Variants in NTF3 observed in about 807,000 individuals in gnomAD.
The protein encoded by NTF3 is neurotrophin 3, also known as neurotrophin-3.
NTF3 carries 8 observed loss-of-function variants against 26.3 expected under a neutral mutation model. The ratio of observed to expected loss-of-function variants is 0.30; its 90% CI spans 0.18 to 0.55. The LOEUF is 0.55. NTF3 is among the 20% of genes least tolerant of loss of function. NTF3 has a pLI of 0.93. For missense variants in NTF3, 276 were observed against 352.9 expected (o/e 0.78, Z 1.75); for synonymous variants, 154 against 145.5 (o/e 1.06, Z -0.42).
At chr12:5,472,506 G>A (rs116349735) in intron 1 of NTF3, among the ~76,000 whole-genome samples, 1,826 of 152,154 alleles carry the variant, frequency 0.012, 33 homozygotes, top group African/African-American at 0.041. Context: ...ATGACATTCG[G>A]GACCTCCACT....
intron 1 of NTF3, among the ~76,000 whole-genome samples, chr12:5,479,203 C>T (rs994842292): frequency 1.3e-5 from 2 of 152,106 alleles, no homozygotes; most frequent in African/African-American, 2.4e-5. Flanking sequence ...GAGGAGATAG[C>T]GGTTGAGGCT....
intron 1 of NTF3, among the ~76,000 whole-genome samples, chr12:5,482,280 C>CACCCCTCTTGGGACAAGGT: frequency 6.6e-6 from 1 of 152,336 alleles, no homozygotes; most frequent in South Asian, 2.1e-4. Flanking sequence ...CAGGCACTGC[C>CACCCCTCTTGGGACAAGGT]ACCCCTCTTG....
At chr12:5,474,114 T>G (rs2121216045) in intron 1 of NTF3, among the ~76,000 whole-genome samples, 1 of 152,352 alleles carries the variant, frequency 6.6e-6, no homozygotes, top group South Asian at 2.1e-4. Flanking sequence ...ACAATAATGA[T>G]GGCAGGACAA....
chr12:5,440,538 T>C (rs1940223765), intron 1 of NTF3, among the ~76,000 whole-genome samples: 1 of 152,190 alleles, frequency 6.6e-6, no homozygotes, highest in South Asian at 2.1e-4. Flanking sequence ...GTACTTCCAC[T>C]GGGTTCAAGA....
chr12:5,455,563 CACACACACACACACACACACAT>C lies in NTF3; in HGVS notation c.18+23223_18+23244del, dbSNP rs1252936785. Among the ~76,000 whole-genome samples the C allele has an allele frequency of 6.9e-5, 10 of 145,194 alleles. No homozygotes were observed. The South Asian group carries it at 1.4e-3, about 20-fold the overall frequency. On this transcript the variant is annotated intron_variant, in intron 1 of 1. Coordinates refer to ENST00000423158, the MANE Select transcript of NTF3 (RefSeq NM_001102654.2). The stretch of plus-strand genomic sequence containing the variant: ...ACACACACACACACACACACACACA[CACACACACACACACACACACAT>C]AGCCCCTGTGATTGAGGGGGCCCCA...
chr12:5,435,543 T>C (rs1221095032), intron 1 of NTF3, among the ~76,000 whole-genome samples: 5 of 152,128 alleles, frequency 3.3e-5, no homozygotes, highest in African/African-American at 1.2e-4. Context: ...CTTTTGTGTA[T>C]TGGGAAGGGA....
chr12:5,469,366 C>T (rs559308315), intron 1 of NTF3, among the ~76,000 whole-genome samples: 1 of 152,240 alleles, frequency 6.6e-6, no homozygotes, highest in Non-Finnish European at 1.5e-5. Context: ...GGCGGCAGAG[C>T]TTAGACACCT....
chr12:5,494,417 C>T lies in NTF3; in HGVS notation c.242C>T (p.Ala81Val). The change falls in exon 2 of 2, where the codon GCT (alanine) becomes GTT (valine). Residue 81 changes from alanine (A) to valine (V), a missense_variant. Physicochemically the swap from Ala to Val is moderately conservative, Grantham distance 64 (BLOSUM62 0). Around this residue, in one of 3 missense-constraint regions of NTF3, gnomAD observed 221 missense variants for 258.2 expected, o/e 0.86. Transcript: ENST00000423158. The surrounding 1 kb of genome is among the most constrained non-coding windows in gnomAD (Gnocchi z 8.3). ...CAGAGCACCCTGCCCAAAGCTGAGG[C>T]TCCCCGAGAGCCGGAGCGGGGAGGG... ...NYQSTLPKAE[A>V]PREPERGGPA... The T allele has an allele frequency of 6.2e-6, 10 of 1,613,388 alleles. No individual in the cohort carries two copies. The highest frequency in any genetic ancestry group is 7.6e-6 in the Non-Finnish European group (9 of 1,179,996).
intron 1 of NTF3, among the ~76,000 whole-genome samples, chr12:5,450,465 C>G (rs952353191): frequency 6.6e-6 from 1 of 152,232 alleles, no homozygotes. Flanking sequence ...ACTCAAGACC[C>G]TGCTACAGTG....
rs573533918 is a variant in NTF3 at position 5,432,407 on chromosome 12, A to AT, written c.18+69dup. 6.1e-4 allele frequency: 962 copies of AT among 1,571,584 alleles called. 14 individuals carry two copies. The South Asian group carries it at 0.01, about 16-fold the overall frequency. On this transcript the variant is annotated intron_variant, in intron 1 of 1. Coordinates refer to ENST00000423158, the MANE Select transcript of NTF3 (RefSeq NM_001102654.2). ...GGGATGGGGGTCCACGTGGGGAGGGATTTTCCAGTGGACTGGTGCGGGGGG... is the reference window on the plus strand; with the variant it reads ...GGGATGGGGGTCCACGTGGGGAGGGATTTTTCCAGTGGACTGGTGCGGGGGG...
intron 1 of NTF3, among the ~76,000 whole-genome samples, chr12:5,477,509 C>T (rs192441854): frequency 2.7e-3 from 417 of 152,258 alleles, no homozygotes; most frequent in Non-Finnish European, 4.6e-3. Context: ...CCAGATCTCA[C>T]GGAGGGTATG....
chr12:5,452,204 T>C (rs1263988510), intron 1 of NTF3, among the ~76,000 whole-genome samples: 1 of 151,438 alleles, frequency 6.6e-6, no homozygotes, highest in Non-Finnish European at 1.5e-5. Context: ...CAAGTGATTC[T>C]CCTGCCTCAG....
chr12:5,480,243 A>G (rs11063703), intron 1 of NTF3, among the ~76,000 whole-genome samples: 61,527 of 151,934 alleles, frequency 0.4, 12,685 homozygotes, highest in South Asian at 0.51. Flanking sequence ...TGAGGGTCAA[A>G]CAAGGAAGGC....
intron 1 of NTF3, among the ~76,000 whole-genome samples, chr12:5,435,143 G>T (rs1387819642): frequency 2.0e-5 from 3 of 152,214 alleles, no homozygotes; most frequent in African/African-American, 7.2e-5. Flanking sequence ...TAAGACTGAA[G>T]TAAGTAGAGG....
chr12:5,451,751 C>T (rs190495691), intron 1 of NTF3, among the ~76,000 whole-genome samples: 4 of 152,234 alleles, frequency 2.6e-5, no homozygotes, highest in African/African-American at 7.2e-5. Context: ...CGTGTGGTGG[C>T]GTGGCACTCA....
chr12:5,474,077 G>A lies in NTF3; in HGVS notation c.19-20117G>A, dbSNP rs114224663. ...GCATGGAATTTATTTTCCAAAGTGG[G>A]ACACTCGAGAGTGAAAGGGTGAGCT... On this transcript the variant is annotated intron_variant, in intron 1 of 1. Transcript: ENST00000423158. Among the ~76,000 whole-genome samples the A allele has an allele frequency of 7.8e-3, 1,182 of 152,306 alleles. 9 individuals are homozygous for A. The highest frequency in any genetic ancestry group is 0.027 in the African/African-American group (1,116 of 41,570).
intron 1 of NTF3, among the ~76,000 whole-genome samples, chr12:5,476,958 T>C (rs1011771471): frequency 1.3e-5 from 2 of 152,204 alleles, no homozygotes; most frequent in Admixed American, 6.5e-5. Context: ...TGGGAGCTGA[T>C]AGATGATATA....
chr12:5,495,087 C>T lies in NTF3; in HGVS notation c.*99C>T, dbSNP rs2121265399. On this transcript the variant is annotated 3_prime_UTR_variant, in exon 2 of 2. Coordinates refer to ENST00000423158, the MANE Select transcript of NTF3 (RefSeq NM_001102654.2). ...TTGTTTTTATATATTATAAGTTGAC[C>T]TTTATTTATTAAACTTCAGCAACCC... 3 of 1,299,104 alleles carry T rather than the reference C, an allele frequency of 2.3e-6. No homozygotes were observed. Among genetic ancestry groups the T allele is most frequent in the South Asian group, 2.9e-5 (2 of 68,424 alleles). 80.5% of individuals were successfully genotyped at this position (1,299,104 alleles called of 1,614,324 possible). A position where few individuals can be genotyped will look rare whatever the true frequency, so the allele number is the denominator to read the frequency against.
chr12:5,445,330 G>GTT (rs1346313794), intron 1 of NTF3, among the ~76,000 whole-genome samples: 1 of 145,120 alleles, frequency 6.9e-6, no homozygotes, highest in East Asian at 2.1e-4. Context: ...GTGTGTGTGT[G>GTT]TGTGTGTTTA....
Sources: gnomAD v4.1 joint callset for allele counts (sites outside exome capture counted in the v4.1 genomes callset) on GRCh38, gnomAD v4.1.1 for gene constraint, gnomAD v4.1.1 regional missense constraint, Gnocchi (gnomAD v3.1) non-coding constraint, MANE v1.5 for transcripts, NCBI Gene and HGNC (gene_info 2026-07-23, HGNC 2026-07-21) for gene names.